Variants in ABCA7 observed in about 807,000 individuals in gnomAD.
ABCA7 encodes ATP binding cassette subfamily A member 7, also known as phospholipid-transporting ATPase ABCA7.
In ABCA7, 261 loss-of-function variants were observed where a neutral mutation model predicts 227.6. That is an observed-to-expected ratio of 1.15 (90% CI 1.04 to 1.27). ABCA7 has a LOEUF of 1.27. Among genes scored for constraint, ABCA7 ranks in the 50% most tolerant of loss-of-function variants. The pLI, the probability that ABCA7 is intolerant of heterozygous loss-of-function variation, is 0.00. For synonymous variants in ABCA7, 1,488 were observed against 1,279.7 expected (o/e 1.16, Z -3.47); for missense variants, 3,331 against 2,924.5 (o/e 1.14, Z -3.21).
Position 1,044,678 on chromosome 19 carries a change from C to T in ABCA7, c.1149C>T (p.Gly383=). The change falls in exon 11 of 47, where the codon GGC becomes GGT. Residue 383 remains glycine (G), a synonymous_variant. Coordinates refer to ENST00000263094, the MANE Select transcript of ABCA7 (RefSeq NM_019112.4). ...LRSFLDPGSG[G]YSWQDAHADV... ...CCTTTCTGGACCCTGGGAGCGGTGGCTACAGCTGGCAGGACGCACACGCTG... is the reference window on the plus strand; with the variant it reads ...CCTTTCTGGACCCTGGGAGCGGTGGTTACAGCTGGCAGGACGCACACGCTG... 1.2e-6 allele frequency: 2 copies of T among 1,612,948 alleles called. No homozygotes were observed. The highest frequency in any genetic ancestry group is 1.7e-6 in the Non-Finnish European group (2 of 1,179,974).
chr19:1,045,449 A>C (rs1289654244), intron 12 of ABCA7: 2 of 586,166 alleles, frequency 3.4e-6, no homozygotes, highest in Admixed American at 3.0e-5. Context: ...TGGGCCTGAG[A>C]TAAGATGAGA....
In ABCA7 at chr19:1,045,005, C is replaced by G. The variant is rs777976642; in HGVS notation, c.1219C>G (p.Leu407Val). The G allele has an allele frequency of 6.2e-7, 1 of 1,612,606 alleles. No homozygotes were observed. The highest frequency in any genetic ancestry group is 8.5e-7 in the Non-Finnish European group (1 of 1,179,902). The change falls in exon 12 of 47, where the codon CTG (leucine) becomes GTG (valine). Residue 407 changes from leucine (L) to valine (V), a missense_variant. Physicochemically the swap from Leu to Val is conservative, Grantham distance 32 (BLOSUM62 1). Transcript: ENST00000263094. ...VGTLGRVTECLSLDKLEAAPS... is the reference protein window; with the variant it reads ...VGTLGRVTECVSLDKLEAAPS... The stretch of plus-strand genomic sequence containing the variant: ...GACTCACCCCCGCATCCCACAGTGC[C>G]TGTCCTTGGACAAGCTGGAGGCGGC...
intron 40 of ABCA7, 35 bp downstream of exon 40, chr19:1,059,120 GTGA>G: frequency 2.5e-6 from 4 of 1,599,902 alleles, no homozygotes; most frequent in Middle Eastern, 2.1e-4. Context: ...TGCAGGGACA[GTGA>G]GTGGCTGCCC....
Position 1,047,293 on chromosome 19 carries a change from GC to G in ABCA7, c.1984del (p.Leu662TrpfsTer135), listed in dbSNP as rs1306179592. ...GCCAACCTGGCTGCGGCCTGCGGCG[GC>G]CTGGCCTACTTCTCCCTCTACCTGC... ...SRANLAAACG[G>X]LAYFSLYLPY... On this transcript the variant is annotated frameshift_variant, in exon 15 of 47. Coordinates refer to ENST00000263094, the MANE Select transcript of ABCA7 (RefSeq NM_019112.4). LOFTEE classifies it high-confidence loss of function. 6.2e-7 allele frequency: 1 copy of G among 1,604,810 alleles called. No homozygotes were observed. Among genetic ancestry groups the G allele is most frequent in the African/African-American group, 1.3e-5 (1 of 74,994 alleles).
At position 1,048,901 on chromosome 19, in the gene ABCA7, A is replaced by C; in HGVS notation, c.2276A>C (p.Tyr759Ser). 6.2e-7 allele frequency: 1 copy of C among 1,602,208 alleles called. No individual in the cohort carries two copies. The highest frequency in any genetic ancestry group is 8.5e-7 in the Non-Finnish European group (1 of 1,174,276). The change falls in exon 17 of 47, where the codon TAC becomes TCC. Residue 759 changes from tyrosine to serine, a missense_variant. Coordinates refer to ENST00000263094, the MANE Select transcript of ABCA7 (RefSeq NM_019112.4). ...CCCGCGCCCCTCCCCGCAGGCCAGTACGGGATCCCTGAACCATGGAATTTT... is the reference window on the plus strand; with the variant it reads ...CCCGCGCCCCTCCCCGCAGGCCAGTCCGGGATCCCTGAACCATGGAATTTT... ...WYLEAVCPGQYGIPEPWNFPF... is the reference protein window; with the variant it reads ...WYLEAVCPGQSGIPEPWNFPF...
At position 1,058,657 on chromosome 19, in the gene ABCA7, T is replaced by C. The variant is rs1443988062; in HGVS notation, c.5189T>C (p.Val1730Ala). ...CAGTCACCCCTGCGCTGGGAGGTGG[T>C]CGGCAAGAACCTCTTGGCCATGGTG... ...QFQSPLRWEV[V>A]GKNLLAMVIQ... Residue 1730 changes from valine to alanine, a missense_variant, in exon 38 of 47, where the codon GTC becomes GCC. By Grantham distance (64) the Val-to-Ala change is moderately conservative. Transcript: ENST00000263094. 1 of 1,613,922 alleles carries C rather than the reference T, an allele frequency of 6.2e-7. No individual in the cohort carries two copies. The highest frequency in any genetic ancestry group is 1.1e-5 in the South Asian group (1 of 91,086).
rs2042392955 is a variant in ABCA7 at position 1,057,913 on chromosome 19, A to G, written c.4881-2A>G. 1 of 1,614,000 alleles carries G rather than the reference A, an allele frequency of 6.2e-7. No individual in the cohort carries two copies. On this transcript the variant is annotated splice_acceptor_variant, in intron 35 of 46. Coordinates refer to ENST00000263094, the MANE Select transcript of ABCA7 (RefSeq NM_019112.4). LOFTEE classifies it high-confidence loss of function. ...CTCCAGTGACTCCTATTGTCCCTTC[A>G]GCTGGTCGATCACACCGCTCATGTA...
chr19:1,063,017 C>A (rs2042774878), intron 42 of ABCA7, among the ~76,000 whole-genome samples: 1 of 137,602 alleles, frequency 7.3e-6, no homozygotes, highest in Non-Finnish European at 1.6e-5. Flanking sequence ...TGGCTCCACC[C>A]ACACCATGGC....
rs200441027 is a variant in ABCA7 at position 1,043,239 on chromosome 19, G to T, written c.778G>T (p.Asp260Tyr). ...VGQEPESALP[D>Y]SSLSPACSEL... is the part of the protein sequence containing the mutation. ...GCAGGAGCCAGAATCCGCCCTGCCA[G>T]ACAGCAGCCTGAGTGAGTGACTGAC... The change falls in exon 8 of 47, where the codon GAC becomes TAC. Residue 260 changes from aspartate (D) to tyrosine (Y), a missense_variant. Coordinates refer to ENST00000263094, the MANE Select transcript of ABCA7 (RefSeq NM_019112.4). The T allele has an allele frequency of 2.5e-4, 404 of 1,607,578 alleles. No homozygotes were observed. The highest frequency in any genetic ancestry group is 3.3e-4 in the Non-Finnish European group (389 of 1,175,606).
chr19:1,064,021 C>G, intron 44 of ABCA7, 140 bp from the exon 45 acceptor site: 1 of 1,328,842 alleles, frequency 7.5e-7, no homozygotes. Context: ...TGGGACGCGG[C>G]GCCGGGATCA....
Position 1,042,318 on chromosome 19 carries a change from A to G in ABCA7, c.419A>G (p.Gln140Arg). The change falls in exon 6 of 47, where the codon CAG becomes CGG. Residue 140 changes from glutamine to arginine, a missense_variant. By Grantham distance (43) the Gln-to-Arg change is conservative. Transcript: ENST00000263094. ...CTCCCGTGCGCTCCTCCCCCAGCCC[A>G]GCCTCAACCAACCAAGCAGTCTCCA... Reference protein sequence around the residue: ...ATLRAARSTAQPQPTKQSPLE... With the variant: ...ATLRAARSTARPQPTKQSPLE... 6.3e-7 allele frequency: 1 copy of G among 1,577,320 alleles called. No individual in the cohort carries two copies. Among genetic ancestry groups the G allele is most frequent in the South Asian group, 1.2e-5 (1 of 86,652 alleles).
rs149365975 is a variant in ABCA7 at position 1,044,705 on chromosome 19, T to C, written c.1176T>C (p.Asp392=). The part of the protein sequence containing the change: ...GGYSWQDAHA[D]VGHLVGTLGR... ...ACAGCTGGCAGGACGCACACGCTGA[T>C]GTGGGGCACCTGGTGGGCACGCTGG... The change falls in exon 11 of 47, where the codon GAT becomes GAC. Residue 392 remains aspartate (D), a synonymous_variant. Transcript: ENST00000263094. 4.8e-5 allele frequency: 78 copies of C among 1,612,272 alleles called. No homozygotes were observed. The highest frequency in any genetic ancestry group is 1.5e-4 in the South Asian group (14 of 91,036).
In ABCA7 at chr19:1,047,646, T is replaced by C. The variant is rs756391896; in HGVS notation, c.2261T>C (p.Val754Ala). 1 of 1,594,850 alleles carries C rather than the reference T, an allele frequency of 6.3e-7. No homozygotes were observed. The highest frequency in any genetic ancestry group is 1.7e-5 in the Admixed American group (1 of 59,534). Residue 754 changes from valine to alanine, a missense_variant, in exon 16 of 47, where the codon GTG becomes GCG. Physicochemically the swap from Val to Ala is moderately conservative, Grantham distance 64 (BLOSUM62 0). Coordinates refer to ENST00000263094, the MANE Select transcript of ABCA7 (RefSeq NM_019112.4). ...CTCGCCACCTGGTACCTGGAAGCTG[T>C]GTGCCCAGGTGGGCCGTAGGGGGCG... ...YGLATWYLEA[V>A]CPGQYGIPEP...
Position 1,054,052 on chromosome 19 carries a change from C to T in ABCA7, c.3519C>T (p.Asp1173=), listed in dbSNP as rs529298024. The change falls in exon 26 of 47, where the codon GAC becomes GAT. Residue 1173 remains aspartate, a synonymous_variant. Transcript: ENST00000263094. The surrounding 1 kb of genome is among the most constrained non-coding windows in gnomAD (Gnocchi z 4.8). ...QHLCTGIAGL[D]VTLRLKMPPQ... ...TATGCACAGGCATTGCTGGCCTAGA[C>T]GTAACCCTACGGCTCAAGATGCCGC... The T allele has an allele frequency of 1.2e-5, 20 of 1,613,242 alleles. No homozygotes were observed. The highest frequency in any genetic ancestry group is 5.3e-5 in the African/African-American group (4 of 74,920).
chr19:1,054,988 T>C lies in ABCA7; in HGVS notation c.3951-109T>C. On this transcript the variant is annotated intron_variant, in intron 29 of 46. Coordinates refer to ENST00000263094, the MANE Select transcript of ABCA7 (RefSeq NM_019112.4). The surrounding 1 kb of genome is among the most constrained non-coding windows in gnomAD (Gnocchi z 4.8). The stretch of plus-strand genomic sequence containing the variant: ...ACCTGGAGCATCCCCTGTGCCCACC[T>C]GGGAGCTGGGAGCCTCTGTGGCTCC... The C allele has an allele frequency of 6.5e-7, 1 of 1,531,354 alleles. No individual in the cohort carries two copies. The highest frequency in any genetic ancestry group is 8.8e-7 in the Non-Finnish European group (1 of 1,137,266). The allele number at this position is 1,531,354 out of a possible 1,614,324, so 94.9% of individuals were successfully genotyped here.
In ABCA7 at chr19:1,043,904, TG is replaced by T. The variant is rs2040322235; in HGVS notation, c.1047+65del. On this transcript the variant is annotated intron_variant, in intron 10 of 46. Coordinates refer to ENST00000263094, the MANE Select transcript of ABCA7 (RefSeq NM_019112.4). ...CGGTGAGGAGGGTAGACAGGCCCGG[TG>T]GATGGGAAGGTGGGCTCCGTGCAGA... 7 of 1,446,060 alleles carry T rather than the reference TG, an allele frequency of 4.8e-6. No individual in the cohort carries two copies. The Admixed American group carries it at 5.1e-5, about 10-fold the overall frequency. The allele number at this position is 1,446,060 out of a possible 1,614,324, so 89.6% of individuals were successfully genotyped here.
At chr19:1,044,115 T>A (rs1000588610) in intron 10 of ABCA7, among the ~76,000 whole-genome samples, 7 of 151,396 alleles carry the variant, frequency 4.6e-5, no homozygotes, top group African/African-American at 1.2e-4. Flanking sequence ...TTTTTTTTTT[T>A]ATTTTTAGTA....
At position 1,054,591 on chromosome 19, in the gene ABCA7, G is replaced by T; in HGVS notation, c.3748G>T (p.Val1250Leu). Residue 1250 changes from valine to leucine, a missense_variant, in exon 28 of 47, where the codon GTG becomes TTG. Transcript: ENST00000263094. The surrounding 1 kb of genome is among the most constrained non-coding windows in gnomAD (Gnocchi z 4.8). ...FAQIVLPALF[V>L]GLALVFSLIV... The stretch of plus-strand genomic sequence containing the variant: ...CCAGATCGTGCTGCCTGCCCTCTTT[G>T]TGGGCCTGGCCCTCGTGTTCAGCCT... The T allele has an allele frequency of 1.2e-6, 2 of 1,611,282 alleles. No homozygotes were observed. The highest frequency in any genetic ancestry group is 1.7e-6 in the Non-Finnish European group (2 of 1,178,738).
chr19:1,055,931 T>A lies in ABCA7; in HGVS notation c.4230T>A (p.Asn1410Lys). 6.3e-7 allele frequency: 1 copy of A among 1,593,378 alleles called. No homozygotes were observed. Among genetic ancestry groups the A allele is most frequent in the Non-Finnish European group, 8.6e-7 (1 of 1,168,804 alleles). The stretch of plus-strand genomic sequence containing the variant: ...GCCTGAAGACTAAGAAGTGGGTGAA[T>A]GAGGTCAGGTGAGGAGGGGTCTAGC... ...RQGLKTKKWV[N>K]EVRYGGFSLG... is the part of the protein sequence containing the mutation. Residue 1410 changes from asparagine (N) to lysine (K), a missense_variant, in exon 31 of 47, where the codon AAT (asparagine) becomes AAA (lysine). Physicochemically the swap from Asn to Lys is moderately conservative, Grantham distance 94 (BLOSUM62 0). Transcript: ENST00000263094.
Sources: allele counts gnomAD v4.1 joint callset (sites outside exome capture counted in the v4.1 genomes callset), GRCh38; gene constraint gnomAD v4.1.1; non-coding constraint Gnocchi (gnomAD v3.1); transcripts MANE v1.5; gene names NCBI Gene and HGNC (gene_info 2026-07-23, HGNC 2026-07-21).